The following KLHL29 variants were observed in gnomAD, a reference collection of about 807,000 sequenced individuals.
KLHL29 encodes the protein kelch-like protein 29.
KLHL29 carries 21 observed loss-of-function variants against 80.4 expected under a neutral mutation model. The ratio of observed to expected loss-of-function variants is 0.26; its 90% confidence interval spans 0.19 to 0.38. The LOEUF (loss-of-function observed/expected upper bound fraction) is 0.38, where lower values mean the gene tolerates loss of function less well. KLHL29 is among the 10% of genes least tolerant of loss of function. KLHL29 has a pLI of 1.00. For synonymous variants in KLHL29, 511 were observed against 526.8 expected (o/e 0.97, Z 0.41); for missense variants, 867 against 1,223.9 (o/e 0.71, Z 4.35).
chr2:23,403,290 A>G (rs1438522693), intron 1 of KLHL29, among the ~76,000 whole-genome samples: 1 of 152,212 alleles, frequency 6.6e-6, no homozygotes, highest in Middle Eastern at 3.2e-3. Context: ...GACTGATGAA[A>G]ACAGAAAAAG....
At chr2:23,594,947 G>T (rs1668360083) in intron 3 of KLHL29, among the ~76,000 whole-genome samples, 1 of 152,158 alleles carries the variant, frequency 6.6e-6, no homozygotes, top group Admixed American at 6.5e-5. Flanking sequence ...AAGCAGGATA[G>T]CTGCTAGCTA....
At chr2:23,485,920 CTTA>C (rs1415082360) in intron 2 of KLHL29, among the ~76,000 whole-genome samples, 7 of 152,338 alleles carry the variant, frequency 4.6e-5, no homozygotes, top group South Asian at 4.1e-4. Flanking sequence ...AGGCTTTGCT[CTTA>C]TTATTCTAAA....
At chr2:23,652,865 T>C (rs1221600530) in intron 5 of KLHL29, among the ~76,000 whole-genome samples, 1 of 152,152 alleles carries the variant, frequency 6.6e-6, no homozygotes, top group African/African-American at 2.4e-5. Flanking sequence ...TTTATCAGGA[T>C]CGAGATTGTT....
intron 1 of KLHL29, among the ~76,000 whole-genome samples, chr2:23,415,529 A>C (rs1437476438): frequency 6.6e-6 from 1 of 152,230 alleles, no homozygotes; most frequent in South Asian, 2.1e-4. Context: ...TTAGTAGTCC[A>C]TGAAATCCAA....
At chr2:23,609,012 G>A (rs112153125) in intron 3 of KLHL29, among the ~76,000 whole-genome samples, 184 of 152,286 alleles carry the variant, frequency 1.2e-3, no homozygotes, top group African/African-American at 4.2e-3. Flanking sequence ...GAGCTCATTC[G>A]AGAAGATTCT....
In KLHL29 at chr2:23,693,253, G is replaced by C. The variant is rs533521165; in HGVS notation, c.1283-16G>C. The C allele has an allele frequency of 3.3e-6, 5 of 1,537,548 alleles. No individual in the cohort carries two copies. The Admixed American group carries it at 9.9e-5, about 30-fold the overall frequency. ...CCCGGGCCTTTGGGTCAGTGGTCCT[G>C]CGCTGTCGCCCCCAGAGAAGCAGCT... is the stretch of plus-strand genomic sequence containing the variant. On this transcript the variant is annotated splice_polypyrimidine_tract_variant and intron_variant, in intron 7 of 13. Transcript: ENST00000486442.
In KLHL29 at chr2:23,457,970, G is replaced by A. The variant is rs552435457; in HGVS notation, c.-153-17590G>A. Among the ~76,000 whole-genome samples, 12 of 152,114 alleles carry A rather than the reference G, an allele frequency of 7.9e-5. No individual in the cohort carries two copies. The highest frequency in any genetic ancestry group is 1.9e-4 in the African/African-American group (8 of 41,498). On this transcript the variant is annotated intron_variant, in intron 1 of 13. Transcript: ENST00000486442. This position sits in a 1 kb window ranked among gnomAD's most constrained non-coding sequence, Gnocchi z 4.3. ...GGAGCTTGCAGTGAACTGAGATCAC[G>A]CCACTGCACTCCAGCCTGGGCGACA...
chr2:23,631,653 G>A (rs542346768), intron 3 of KLHL29, among the ~76,000 whole-genome samples: 25 of 152,346 alleles, frequency 1.6e-4, no homozygotes, highest in Non-Finnish European at 3.4e-4. Context: ...ATTTAACTGC[G>A]ATTATCTTCT....
intron 1 of KLHL29, among the ~76,000 whole-genome samples, chr2:23,408,990 G>C (rs76964523): frequency 6.6e-6 from 1 of 152,106 alleles, no homozygotes; most frequent in Non-Finnish European, 1.5e-5. Flanking sequence ...TGCCTTGTTG[G>C]GGGGTGTGTG....
At chr2:23,631,184 C>A (rs534592470) in intron 3 of KLHL29, among the ~76,000 whole-genome samples, 1 of 152,142 alleles carries the variant, frequency 6.6e-6, no homozygotes, top group Non-Finnish European at 1.5e-5. Flanking sequence ...CTCTCGCTCG[C>A]TATTCAGCCC....
At chr2:23,540,407 C>T (rs997771072) in intron 2 of KLHL29, among the ~76,000 whole-genome samples, 2 of 152,260 alleles carry the variant, frequency 1.3e-5, no homozygotes, top group East Asian at 1.9e-4. Flanking sequence ...ATCATAGAAG[C>T]GTTTCCACCA....
rs772373012 is a variant in KLHL29, at chr2:23,698,562, CATTATA to C, written c.2105+2056_2105+2061del. On this transcript the variant is annotated intron_variant, in intron 11 of 13. Coordinates refer to ENST00000486442, the MANE Select transcript of KLHL29 (RefSeq NM_052920.2). ...TTGATAATGAATGAGATATATGGTG[CATTATA>C]ATTATATTACATTATGGTATTACAG... 1.8e-4 allele frequency among the ~76,000 whole-genome samples: 20 copies of C among 112,672 alleles called. No homozygotes were observed. The South Asian group carries it at 5.0e-3, about 28-fold the overall frequency. 73.9% of individuals were successfully genotyped at this position (112,672 alleles called of 152,430 possible).
intron 2 of KLHL29, among the ~76,000 whole-genome samples, chr2:23,543,098 T>C (rs1401071736): frequency 2.0e-5 from 3 of 152,212 alleles, no homozygotes; most frequent in Non-Finnish European, 2.9e-5. Context: ...CCAAGCCTCC[T>C]TGTGCAGTGT....
Position 23,696,051 on chromosome 2 carries a change from G to C in KLHL29, c.1842G>C (p.Lys614Asn). Residue 614 changes from lysine to asparagine, a missense_variant, in exon 10 of 14, where the codon AAG becomes AAC. Transcript: ENST00000486442. This position sits in a 1 kb window ranked among gnomAD's most constrained non-coding sequence, Gnocchi z 5.5. ...AVTCWNPQNN[K>N]WYPLASLPFY... The stretch of plus-strand genomic sequence containing the variant: ...CCTGCTGGAACCCGCAGAACAACAA[G>C]TGGTACCCCTTGGCCTCGCTGCCCT... 6.4e-7 allele frequency: 1 copy of C among 1,551,800 alleles called. No homozygotes were observed. Among genetic ancestry groups the C allele is most frequent in the Non-Finnish European group, 8.7e-7 (1 of 1,147,010 alleles).
At chr2:23,502,308 G>A (rs1045117336) in intron 2 of KLHL29, among the ~76,000 whole-genome samples, 2 of 152,250 alleles carry the variant, frequency 1.3e-5, no homozygotes, top group African/African-American at 4.8e-5. Context: ...CCTACTCATC[G>A]GTCTGCATAA....
chr2:23,462,392 C>T (rs1007129702), intron 1 of KLHL29, among the ~76,000 whole-genome samples: 3 of 152,270 alleles, frequency 2.0e-5, no homozygotes, highest in East Asian at 3.9e-4. Flanking sequence ...TGGTCTATCA[C>T]CTGTGAGTTC....
intron 2 of KLHL29, among the ~76,000 whole-genome samples, chr2:23,551,300 G>C (rs1284474643): frequency 1.3e-5 from 2 of 151,988 alleles, no homozygotes; most frequent in African/African-American, 2.4e-5. Context: ...CAAATGCCTA[G>C]TCAATTAGTC....
chr2:23,627,642 G>T (rs2149147091), intron 3 of KLHL29, among the ~76,000 whole-genome samples: 1 of 152,284 alleles, frequency 6.6e-6, no homozygotes, highest in East Asian at 1.9e-4. Context: ...TTGTCTCTTT[G>T]TCTCGCTGCC....
chr2:23,472,812 CTAAG>C (rs751157808), intron 1 of KLHL29, among the ~76,000 whole-genome samples: 1 of 152,196 alleles, frequency 6.6e-6, no homozygotes, highest in Non-Finnish European at 1.5e-5. Flanking sequence ...TGTCACAAAA[CTAAG>C]TGTCAGTGTT....
Sources: gnomAD v4.1 joint callset for allele counts (sites outside exome capture counted in the v4.1 genomes callset) on GRCh38, gnomAD v4.1.1 for gene constraint, Gnocchi (gnomAD v3.1) non-coding constraint, MANE v1.5 for transcripts, NCBI Gene and HGNC (gene_info 2026-07-23, HGNC 2026-07-21) for gene names.